RNF130: variants seen among roughly 807,000 people sequenced by gnomAD.
RNF130 encodes E3 ubiquitin-protein ligase RNF130.
RNF130 carries 21 observed loss-of-function variants against 44.6 expected under a neutral mutation model. The ratio of observed to expected loss-of-function variants is 0.47; its 90% confidence interval spans 0.33 to 0.68. The LOEUF (loss-of-function observed/expected upper bound fraction) is 0.68, where lower values mean the gene tolerates loss of function less well. RNF130 is among the 30% of genes least tolerant of loss of function. The pLI, the probability that RNF130 is intolerant of heterozygous loss-of-function variation, is 0.02. For synonymous variants in RNF130, 214 were observed against 210.4 expected, an observed-to-expected ratio of 1.02 and a Z score of -0.15; for missense variants, 479 against 560.6, an observed-to-expected ratio of 0.85 and a Z score of 1.47.
At chr5:180,016,094 G>A (rs1763720969) in intron 2 of RNF130, among the ~76,000 whole-genome samples, 1 of 152,140 alleles carries the variant, frequency 6.6e-6, no homozygotes, top group African/African-American at 2.4e-5. Context: ...GCCGGGCAGA[G>A]GAGCCCGACC....
At chr5:179,989,359 C>T (rs1028358538) in intron 3 of RNF130, among the ~76,000 whole-genome samples, 6 of 152,122 alleles carry the variant, frequency 3.9e-5, no homozygotes, top group African/African-American at 1.2e-4. Context: ...CTGAATTTCC[C>T]AACCATTATT....
At chr5:180,060,599 C>A (rs952915301) in intron 1 of RNF130, among the ~76,000 whole-genome samples, 5 of 152,300 alleles carry the variant, frequency 3.3e-5, no homozygotes, top group South Asian at 2.1e-4. Context: ...GCACTTCCAC[C>A]CTAACTTAGC....
intron 2 of RNF130, among the ~76,000 whole-genome samples, chr5:180,024,182 G>A (rs903505869): frequency 6.6e-6 from 1 of 152,180 alleles, no homozygotes; most frequent in Non-Finnish European, 1.5e-5. Flanking sequence ...TCACAGCCAA[G>A]AGAAAACTAA....
intron 3 of RNF130, among the ~76,000 whole-genome samples, chr5:180,001,853 A>G (rs763713023): frequency 1.3e-5 from 2 of 152,196 alleles, no homozygotes; most frequent in Non-Finnish European, 2.9e-5. Context: ...GAAGACTAGT[A>G]CAGGTTCAAG....
intron 2 of RNF130, among the ~76,000 whole-genome samples, chr5:180,036,203 T>C (rs747630488): frequency 1.3e-5 from 2 of 152,220 alleles, no homozygotes; most frequent in Non-Finnish European, 2.9e-5. Flanking sequence ...TCACTTTTGT[T>C]TAGTAACAGG....
chr5:179,964,306 G>GT (rs1176100323), intron 7 of RNF130: 1 of 152,080 alleles, frequency 6.6e-6, no homozygotes, highest in East Asian at 1.9e-4. Flanking sequence ...TTACTAGACT[G>GT]TCTCTCTCTC....
At chr5:179,998,865 ATATATATATATATATATATGTTT>A (rs1255058527) in intron 3 of RNF130, among the ~76,000 whole-genome samples, 4 of 124,004 alleles carry the variant, frequency 3.2e-5, no homozygotes, top group East Asian at 2.7e-4. Flanking sequence ...TTTTTTATAT[ATATATATATATATATATATGTTT>A]TATATATCTG....
chr5:179,966,207 C>T (rs1195158810), intron 7 of RNF130, among the ~76,000 whole-genome samples: 1 of 152,176 alleles, frequency 6.6e-6, no homozygotes, highest in Non-Finnish European at 1.5e-5. Context: ...AATGTGAAGA[C>T]GTTCATAACT....
intron 1 of RNF130, among the ~76,000 whole-genome samples, chr5:180,045,581 A>AC (rs1466912432): frequency 3.3e-5 from 5 of 152,030 alleles, no homozygotes; most frequent in South Asian, 4.2e-4. Context: ...CCCTTATCTG[A>AC]CCCCACCCAC....
At chr5:179,966,121 C>T (rs986733263) in intron 7 of RNF130, among the ~76,000 whole-genome samples, 7 of 152,198 alleles carry the variant, frequency 4.6e-5, no homozygotes, top group Non-Finnish European at 1.0e-4. Context: ...TACACACACG[C>T]TGTCAGCTCA....
chr5:180,060,764 C>T (rs945453750), intron 1 of RNF130, among the ~76,000 whole-genome samples: 1 of 152,142 alleles, frequency 6.6e-6, no homozygotes, highest in Non-Finnish European at 1.5e-5. Flanking sequence ...AGGCTAAGAA[C>T]CACTAACCTA....
At chr5:179,946,713 C>T (rs1483631787) in intron 7 of RNF130, among the ~76,000 whole-genome samples, 1 of 152,088 alleles carries the variant, frequency 6.6e-6, no homozygotes, top group Non-Finnish European at 1.5e-5. Flanking sequence ...GCCACCACGC[C>T]CGGCTAATTT....
chr5:179,948,947 G>A (rs1762085318), intron 7 of RNF130, among the ~76,000 whole-genome samples: 1 of 151,010 alleles, frequency 6.6e-6, no homozygotes, highest in East Asian at 1.9e-4. Context: ...CCTGGCCAAT[G>A]CTTCCTTGGA....
At chr5:180,021,169 T>C (rs1763863663) in intron 2 of RNF130, among the ~76,000 whole-genome samples, 1 of 152,092 alleles carries the variant, frequency 6.6e-6, no homozygotes, top group African/African-American at 2.4e-5. Context: ...GGATTCACCA[T>C]GTTGGCCAAA....
At chr5:180,022,632 C>T (rs1030677380) in intron 2 of RNF130, among the ~76,000 whole-genome samples, 2 of 152,190 alleles carry the variant, frequency 1.3e-5, no homozygotes, top group African/African-American at 4.8e-5. Flanking sequence ...ACGGAGCTCA[C>T]GTGACTGAAG....
intron 1 of RNF130, among the ~76,000 whole-genome samples, chr5:180,066,578 T>TA (rs1765112266): frequency 1.3e-5 from 2 of 151,982 alleles, no homozygotes; most frequent in South Asian, 2.1e-4. Flanking sequence ...CCTGTCTCTA[T>TA]AAAAAATCTA....
chr5:180,065,255 A>G (rs530212866), intron 1 of RNF130, among the ~76,000 whole-genome samples: 2 of 152,294 alleles, frequency 1.3e-5, no homozygotes, highest in East Asian at 3.9e-4. Flanking sequence ...AATTAACAAT[A>G]ATTTTTAAGA....
chr5:180,034,875 C>T (rs1309461553), intron 2 of RNF130, among the ~76,000 whole-genome samples: 1 of 152,156 alleles, frequency 6.6e-6, no homozygotes, highest in African/African-American at 2.4e-5. Context: ...CCTTTATAAT[C>T]CTTTAAGTTT....
chr5:179,970,716 ACTG>A (rs1198899584), intron 5 of RNF130, among the ~76,000 whole-genome samples: 1 of 152,238 alleles, frequency 6.6e-6, no homozygotes, highest in Non-Finnish European at 1.5e-5. Context: ...CCGTGTAAGA[ACTG>A]CTAAGTAGGA....
Sources: gnomAD v4.1 joint callset for allele counts (sites outside exome capture counted in the v4.1 genomes callset) on GRCh38, gnomAD v4.1.1 for gene constraint, MANE v1.5 for transcripts, NCBI Gene and HGNC (gene_info 2026-07-23, HGNC 2026-07-21) for gene names.